VAPA: variants seen among roughly 807,000 people sequenced by gnomAD.
VAPA encodes the protein vesicle-associated membrane protein-associated protein A.
A neutral mutation model predicts 25.6 loss-of-function variants in VAPA; 6 were observed. The ratio of observed to expected loss-of-function variants is 0.23; its 90% confidence interval spans 0.13 to 0.46. The LOEUF is 0.46. Among genes scored for constraint, VAPA ranks in the 20% least tolerant of loss-of-function variants. The pLI is 0.99. For synonymous variants in VAPA, 112 were observed against 106.2 expected (o/e 1.05, Z -0.34); for missense variants, 244 against 302.1 (o/e 0.81, Z 1.43).
At chr18:9,951,085 T>C (rs905003771) in intron 5 of VAPA, 1 of 152,172 alleles carries the variant, frequency 6.6e-6, no homozygotes, top group African/African-American at 2.4e-5. Context: ...TTAAAATGAA[T>C]TTTACCCATT....
At position 9,938,528 on chromosome 18, in the gene VAPA, C is replaced by G. The variant is rs183129650; in HGVS notation, c.417+1462C>G. 2.1e-3 allele frequency among the ~76,000 whole-genome samples: 323 copies of G among 152,270 alleles called. 2 individuals are homozygous for G. Among genetic ancestry groups the G allele is most frequent in the African/African-American group, 7.5e-3 (312 of 41,562 alleles). ...GAAAGTAGTTTTGGGTCTGTTTTAG[C>G]GCTTGAACAAATACTGAATGGAGTT... is the stretch of plus-strand genomic sequence containing the variant. On this transcript the variant is annotated intron_variant, in intron 4 of 5. Transcript: ENST00000400000.
At chr18:9,930,391 T>C (rs1310891439) in intron 1 of VAPA, among the ~76,000 whole-genome samples, 3 of 152,158 alleles carry the variant, frequency 2.0e-5, no homozygotes, top group South Asian at 2.1e-4. Flanking sequence ...GTAGTAATTA[T>C]GGGTTTGAGA....
chr18:9,924,738 G>A lies in VAPA; in HGVS notation c.80-7072G>A, dbSNP rs187714145. Among the ~76,000 whole-genome samples, 256 of 152,274 alleles carry A rather than the reference G, an allele frequency of 1.7e-3. 1 individual carries two copies. The highest frequency in any genetic ancestry group is 2.7e-3 in the Non-Finnish European group (186 of 67,988). ...AGTTAATCACAATGTCACATGACAT[G>A]AGAGAAGCCTTAGAGATCATTTTGC... On this transcript the variant is annotated intron_variant, in intron 1 of 5. Coordinates refer to ENST00000400000, the MANE Select transcript of VAPA (RefSeq NM_194434.3).
rs1333660148 is a variant in VAPA, at chr18:9,954,143, C to G, written c.682C>G (p.Leu228Val). 3 of 1,613,828 alleles carry G rather than the reference C, an allele frequency of 1.9e-6. No homozygotes were observed. Among genetic ancestry groups the G allele is most frequent in the Non-Finnish European group, 2.5e-6 (3 of 1,179,866 alleles). The change falls in exon 6 of 6, where the codon CTT becomes GTT. Residue 228 changes from leucine to valine, a missense_variant. By Grantham distance (32) the Leu-to-Val change is conservative (BLOSUM62 1). This residue lies in a region of VAPA where 145 missense variants were observed against 140.6 expected (regional missense o/e 1.03). Transcript: ENST00000400000. ...CTTCAGAGATAATGTCACCAGTCCT[C>G]TTCCTTCACTTCTTGTTGTAATTGC... Reference protein sequence around the residue: ...ASFRDNVTSPLPSLLVVIAAI... With the variant: ...ASFRDNVTSPVPSLLVVIAAI...
chr18:9,946,083 A>C (rs775895087), intron 4 of VAPA, among the ~76,000 whole-genome samples: 2 of 152,130 alleles, frequency 1.3e-5, no homozygotes, highest in African/African-American at 4.8e-5. Flanking sequence ...TCCAATTCCT[A>C]GTTCCCTCTT....
chr18:9,924,424 G>A (rs1469479905), intron 1 of VAPA, among the ~76,000 whole-genome samples: 1 of 152,154 alleles, frequency 6.6e-6, no homozygotes, highest in Non-Finnish European at 1.5e-5. Context: ...TTCTTTGGAA[G>A]TTTAGAGTGG....
At chr18:9,918,814 G>A (rs1195460553) in intron 1 of VAPA, among the ~76,000 whole-genome samples, 1 of 152,144 alleles carries the variant, frequency 6.6e-6, no homozygotes, top group African/African-American at 2.4e-5. Flanking sequence ...TCACTATTTA[G>A]ATTTGAATAT....
At chr18:9,920,586 C>T (rs904565086) in intron 1 of VAPA, among the ~76,000 whole-genome samples, 4 of 152,270 alleles carry the variant, frequency 2.6e-5, no homozygotes, top group Non-Finnish European at 5.9e-5. Flanking sequence ...GCGTGAGCCA[C>T]TGTGCCCAGC....
chr18:9,959,730 A>G lies in VAPA; in HGVS notation c.*5519A>G, dbSNP rs1199680700. ...GTTACTGACATTGTTCCAAAAAAAA[A>G]AAAAAAAAAAAAAAAAATGTGGAGG... On this transcript the variant is annotated 3_prime_UTR_variant, in exon 6 of 6. Transcript: ENST00000400000. 6.8e-6 allele frequency: 1 copy of G among 146,660 alleles called. No individual in the cohort carries two copies. The highest frequency in any genetic ancestry group is 1.5e-5 in the Non-Finnish European group (1 of 66,410). 9.1% of individuals were successfully genotyped at this position (146,660 alleles called of 1,614,324 possible).
intron 1 of VAPA, among the ~76,000 whole-genome samples, chr18:9,920,148 G>A (rs2143287019): frequency 6.6e-6 from 1 of 152,300 alleles, no homozygotes; most frequent in South Asian, 2.1e-4. Context: ...AGGACGTATG[G>A]TAGATATGTT....
chr18:9,918,820 A>G (rs2069133775), intron 1 of VAPA, among the ~76,000 whole-genome samples: 1 of 152,208 alleles, frequency 6.6e-6, no homozygotes, highest in African/African-American at 2.4e-5. Flanking sequence ...TTTAGATTTG[A>G]ATATTGCACA....
At chr18:9,953,049 T>A (rs1234512507) in intron 5 of VAPA, among the ~76,000 whole-genome samples, 1 of 152,256 alleles carries the variant, frequency 6.6e-6, no homozygotes, top group African/African-American at 2.4e-5. Context: ...TTTATCAGAT[T>A]GGTTAACAGA....
At chr18:9,919,723 G>C (rs1291472558) in intron 1 of VAPA, among the ~76,000 whole-genome samples, 1 of 152,210 alleles carries the variant, frequency 6.6e-6, no homozygotes, top group East Asian at 1.9e-4. Flanking sequence ...TGTAGTGCTG[G>C]TTTAGTAGGT....
At chr18:9,918,095 C>T (rs985615340) in intron 1 of VAPA, among the ~76,000 whole-genome samples, 24 of 152,050 alleles carry the variant, frequency 1.6e-4, no homozygotes, top group African/African-American at 5.8e-4. Context: ...ACTTTCTTCC[C>T]TGAGAAAGAA....
intron 2 of VAPA, among the ~76,000 whole-genome samples, chr18:9,934,598 T>C (rs1260233303): frequency 1.3e-5 from 2 of 152,032 alleles, no homozygotes; most frequent in African/African-American, 4.8e-5. Flanking sequence ...ATTTCTTACA[T>C]TTATTTACCC....
In VAPA at chr18:9,954,336, A is replaced by G. The variant is rs564844381; in HGVS notation, c.*125A>G. 32 of 812,296 alleles carry G rather than the reference A, an allele frequency of 3.9e-5. No individual in the cohort carries two copies. In the South Asian group the frequency reaches 5.5e-4, roughly 14 times the overall value. The allele number at this position is 812,296 out of a possible 1,614,324, so 50.3% of individuals were successfully genotyped here. A position where few individuals can be genotyped will look rare whatever the true frequency, so the allele number is the denominator to read the frequency against. On this transcript the variant is annotated 3_prime_UTR_variant, in exon 6 of 6. Transcript: ENST00000400000. The stretch of plus-strand genomic sequence containing the variant: ...CATTTTTTTGTGTGTACAGCGTCAT[A>G]TAGGCTTTGCCTTTAATGATCTCTT...
chr18:9,917,817 A>G (rs2069124835), intron 1 of VAPA, among the ~76,000 whole-genome samples: 1 of 152,142 alleles, frequency 6.6e-6, no homozygotes, highest in African/African-American at 2.4e-5. Context: ...CGGGGGGGAA[A>G]TTAGAGAATA....
At chr18:9,916,238 A>G (rs146179877) in intron 1 of VAPA, among the ~76,000 whole-genome samples, 5 of 152,354 alleles carry the variant, frequency 3.3e-5, no homozygotes, top group Non-Finnish European at 7.3e-5. Flanking sequence ...ACTTACTCAT[A>G]TATTTCCTTT....
chr18:9,924,669 A>G (rs1327228810), intron 1 of VAPA, among the ~76,000 whole-genome samples: 1 of 152,180 alleles, frequency 6.6e-6, no homozygotes, highest in Admixed American at 6.6e-5. Context: ...ATTATCTCCC[A>G]TCTTTACCAC....
Sources: gnomAD v4.1 joint callset for allele counts (sites outside exome capture counted in the v4.1 genomes callset) on GRCh38, gnomAD v4.1.1 for gene constraint, gnomAD v4.1.1 regional missense constraint, MANE v1.5 for transcripts, NCBI Gene and HGNC (gene_info 2026-07-23, HGNC 2026-07-21) for gene names.